The following PHF24 variants were observed in gnomAD, a reference collection of about 807,000 sequenced individuals.
PHF24 encodes Galpha inhibitory interacting protein.
Under a neutral mutation model 42.6 loss-of-function variants are expected in PHF24, and 25 were observed. That is an observed-to-expected ratio of 0.59 (90% confidence interval 0.43 to 0.82). The LOEUF (loss-of-function observed/expected upper bound fraction) is 0.82, where lower values mean the gene tolerates loss of function less well. PHF24 is among the 40% of genes least tolerant of loss of function. The pLI is 0.00. For synonymous variants in PHF24, 185 were observed against 204.8 expected (o/e 0.90, Z 0.83); for missense variants, 470 against 538.1 (o/e 0.87, Z 1.25).
the PHF24 span, among the ~76,000 whole-genome samples, chr9:34,820,684 T>C: frequency 6.6e-6 from 1 of 152,202 alleles, no homozygotes; most frequent in Admixed American, 6.5e-5. Flanking sequence ...TGAATACTAC[T>C]GTGATTAATA....
the PHF24 span, among the ~76,000 whole-genome samples, chr9:34,717,205 A>G: frequency 4.9e-3 from 745 of 152,158 alleles, 3 homozygotes; most frequent in Non-Finnish European, 8.4e-3. Flanking sequence ...TTGAAAAACT[A>G]TGATTTAGAG....
the PHF24 span, among the ~76,000 whole-genome samples, chr9:34,878,349 T>A: frequency 6.6e-6 from 1 of 152,032 alleles, no homozygotes; most frequent in South Asian, 2.1e-4. Flanking sequence ...AGGTACCGGG[T>A]TCATCTCACT....
the PHF24 span, among the ~76,000 whole-genome samples, chr9:34,670,911 T>C: frequency 6.6e-6 from 1 of 152,152 alleles, no homozygotes; most frequent in African/African-American, 2.4e-5. Context: ...TCCCAGATTC[T>C]CCAGACCTCC....
At chr9:34,707,334 G>C in the PHF24 span, among the ~76,000 whole-genome samples, 1 of 152,224 alleles carries the variant, frequency 6.6e-6, no homozygotes, top group Non-Finnish European at 1.5e-5. Flanking sequence ...GTAGGAGGCA[G>C]GTAGGAGGCC....
chr9:34,966,642 A>G (rs1326184821), intron 1 of PHF24, among the ~76,000 whole-genome samples: 3 of 151,714 alleles, frequency 2.0e-5, no homozygotes, highest in African/African-American at 7.3e-5. Context: ...TTTTAATAGC[A>G]TGAATATATC....
intron 3 of PHF24, among the ~76,000 whole-genome samples, chr9:34,973,316 C>T (rs1355028782): frequency 6.6e-6 from 1 of 152,180 alleles, no homozygotes; most frequent in African/African-American, 2.4e-5. Flanking sequence ...GCCTGAGATC[C>T]TCACTCAGCC....
At chr9:34,906,559 G>A in the PHF24 span, among the ~76,000 whole-genome samples, 7 of 148,888 alleles carry the variant, frequency 4.7e-5, no homozygotes, top group South Asian at 6.3e-4. Context: ...CAGGTGAATC[G>A]CTTGAACCCA....
chr9:34,779,816 C>T, the PHF24 span, among the ~76,000 whole-genome samples: 1 of 152,150 alleles, frequency 6.6e-6, no homozygotes. Context: ...ACTTTTACCT[C>T]CTAAGTTCAA....
chr9:34,702,455 A>G, the PHF24 span, among the ~76,000 whole-genome samples: 1 of 152,252 alleles, frequency 6.6e-6, no homozygotes, highest in East Asian at 1.9e-4. Flanking sequence ...TATTATTACC[A>G]CAACCCATGA....
At chr9:34,842,726 T>G in the PHF24 span, among the ~76,000 whole-genome samples, 1 of 152,218 alleles carries the variant, frequency 6.6e-6, no homozygotes, top group Non-Finnish European at 1.5e-5. Flanking sequence ...TCTTTATAAG[T>G]TGCCCAATCT....
the PHF24 span, among the ~76,000 whole-genome samples, chr9:34,847,857 A>C: frequency 6.6e-6 from 1 of 152,312 alleles, no homozygotes; most frequent in African/African-American, 2.4e-5. Flanking sequence ...TATTGAGATA[A>C]TCATGTGGTT....
exon 8 of PHF24, chr9:34,980,228 A>T (rs1357858446): frequency 6.6e-6 from 1 of 152,144 alleles, no homozygotes; most frequent in Non-Finnish European, 1.5e-5. Flanking sequence ...ACCTCTTTGG[A>T]GCTGCTGCCT....
At chr9:34,766,530 G>A in the PHF24 span, among the ~76,000 whole-genome samples, 2 of 152,012 alleles carry the variant, frequency 1.3e-5, no homozygotes, top group Non-Finnish European at 2.9e-5. Flanking sequence ...CATAGTTCTC[G>A]AGCCTTGGCT....
chr9:34,867,584 C>G, the PHF24 span, among the ~76,000 whole-genome samples: 1 of 152,180 alleles, frequency 6.6e-6, no homozygotes, highest in Admixed American at 6.5e-5. Context: ...CAATCAGACC[C>G]CTTGGGGCTT....
the PHF24 span, among the ~76,000 whole-genome samples, chr9:34,868,380 C>A: frequency 6.6e-6 from 1 of 152,092 alleles, no homozygotes; most frequent in South Asian, 2.1e-4. Flanking sequence ...TATCTCGATT[C>A]GTTTTCCTCT....
At chr9:34,914,362 CT>C in the PHF24 span, among the ~76,000 whole-genome samples, 1 of 152,210 alleles carries the variant, frequency 6.6e-6, no homozygotes, top group Admixed American at 6.5e-5. Flanking sequence ...AATCTAAGCT[CT>C]TTTTTTCCAC....
chr9:34,725,852 G>A, the PHF24 span: 2 of 1,551,856 alleles, frequency 1.3e-6, no homozygotes, highest in Non-Finnish European at 1.7e-6. Flanking sequence ...CTTCAAGGGG[G>A]GCTTGGGCAC....
At chr9:34,710,761 A>G in the PHF24 span, among the ~76,000 whole-genome samples, 1 of 151,954 alleles carries the variant, frequency 6.6e-6, no homozygotes, top group Non-Finnish European at 1.5e-5. Flanking sequence ...GGCACATGCC[A>G]CTACGTCCGG....
the PHF24 span, chr9:34,690,448 G>GTT: frequency 3.2e-6 from 3 of 949,926 alleles, no homozygotes; most frequent in Non-Finnish European, 4.8e-6. Flanking sequence ...GTGTGTGTGT[G>GTT]TGTGTGTGTG....
Sources: allele counts gnomAD v4.1 joint callset (sites outside exome capture counted in the v4.1 genomes callset), GRCh38; gene constraint gnomAD v4.1.1; transcripts MANE v1.5; gene names NCBI Gene and HGNC (gene_info 2026-07-23, HGNC 2026-07-21).